The following PIK3C2A variants were observed in gnomAD, a reference collection of about 807,000 sequenced individuals.
PIK3C2A encodes the protein phosphatidylinositol-4-phosphate 3-kinase catalytic subunit type 2 alpha.
Under a neutral mutation model 204.5 loss-of-function variants are expected in PIK3C2A, and 97 were observed. The ratio of observed to expected loss-of-function variants is 0.47; its 90% CI spans 0.40 to 0.56. The LOEUF (loss-of-function observed/expected upper bound fraction) is 0.56. Ranked by LOEUF, PIK3C2A falls within the 20% of genes least tolerant of loss-of-function variation. The pLI, the probability that PIK3C2A is intolerant of heterozygous loss-of-function variation, is 0.00. For missense variants in PIK3C2A, 1,735 were observed against 1,969.2 expected (o/e 0.88, Z 2.25); for synonymous variants, 653 against 664.4 (o/e 0.98, Z 0.26).
At position 17,091,638 on chromosome 11, in the gene PIK3C2A, G is replaced by A. The variant is rs2137260143; in HGVS notation, c.4661C>T (p.Pro1554Leu). The change falls in exon 31 of 33, where the codon CCT (proline) becomes CTT (leucine). Residue 1554 changes from proline (P) to leucine (L), a missense_variant. Pro to Leu is a moderately conservative substitution (Grantham distance 98). Coordinates refer to ENST00000691414, the MANE Select transcript of PIK3C2A (RefSeq NM_002645.4). The part of the protein sequence containing the change: ...ARSADAGSFS[P>L]TPGQIGGAVK... Reference sequence around the variant, plus strand: ...AGCTCCTCCTATTTGGCCTGGAGTAGGACTGAAGGAACCTGCATCTGAAAA... The same window carrying A: ...AGCTCCTCCTATTTGGCCTGGAGTAAGACTGAAGGAACCTGCATCTGAAAA... The A allele has an allele frequency of 6.2e-7, 1 of 1,601,462 alleles. No homozygotes were observed. Among genetic ancestry groups the A allele is most frequent in the Non-Finnish European group, 8.5e-7 (1 of 1,170,344 alleles).
chr11:17,119,341 G>A (rs763971971), intron 16 of PIK3C2A, 28 bp from the exon 17 acceptor site: 9 of 1,313,056 alleles, frequency 6.9e-6, no homozygotes, highest in Non-Finnish European at 9.9e-6. Flanking sequence ...AACCAAGATT[G>A]GACAGTGATT....
In PIK3C2A at chr11:17,168,704, A is replaced by T; in HGVS notation, c.1038T>A (p.Leu346=). The T allele has an allele frequency of 6.3e-7, 1 of 1,593,866 alleles. No individual in the cohort carries two copies. Among genetic ancestry groups the T allele is most frequent in the Non-Finnish European group, 8.5e-7 (1 of 1,170,966 alleles). ...GAGATATATGGCCCTGGGCTTTTGCAAGCTGAGTTGTTCGAATATTTAAAG... is the reference window on the plus strand; with the variant it reads ...GAGATATATGGCCCTGGGCTTTTGCTAGCTGAGTTGTTCGAATATTTAAAG... ...SQSLNIRTTQ[L]AKAQGHISQK... The change falls in exon 2 of 33, where the codon CTT becomes CTA. Residue 346 remains leucine, a synonymous_variant. Transcript: ENST00000691414.
chr11:17,171,340 A>G (rs1851152359), intron 1 of PIK3C2A, among the ~76,000 whole-genome samples: 1 of 152,130 alleles, frequency 6.6e-6, no homozygotes, highest in African/African-American at 2.4e-5. Context: ...AAAGCAAGAG[A>G]GCTCCTGTTT....
chr11:17,151,818 C>T (rs1590967160), intron 3 of PIK3C2A, among the ~76,000 whole-genome samples: 1 of 152,146 alleles, frequency 6.6e-6, no homozygotes, highest in Non-Finnish European at 1.5e-5. Flanking sequence ...GGTTTTTGCA[C>T]TGAAATCCTA....
intron 24 of PIK3C2A, among the ~76,000 whole-genome samples, chr11:17,101,823 T>G (rs1029476471): frequency 6.6e-5 from 10 of 151,864 alleles, no homozygotes; most frequent in Non-Finnish European, 1.3e-4. Flanking sequence ...CAGGATGGTC[T>G]CGATCTCCTG....
intron 22 of PIK3C2A, among the ~76,000 whole-genome samples, chr11:17,106,108 C>CA (rs71047530): frequency 0.41 from 57,344 of 138,376 alleles, 11,631 homozygotes; most frequent in Middle Eastern, 0.49. Context: ...GACTCTATCT[C>CA]AAAAAAAAAA....
intron 20 of PIK3C2A, among the ~76,000 whole-genome samples, chr11:17,113,999 G>C (rs1267536932): frequency 1.3e-5 from 2 of 151,936 alleles, no homozygotes; most frequent in Non-Finnish European, 2.9e-5. Flanking sequence ...AGAATCGCTT[G>C]AACTTGGGAG....
Position 17,135,713 on chromosome 11 carries a change from GTGTGTA to G in PIK3C2A, c.1849-560_1849-555del, listed in dbSNP as rs1422069186. On this transcript the variant is annotated intron_variant, in intron 9 of 32. Transcript: ENST00000691414. Reference sequence around the variant, plus strand: ...TGTGTGTGTGTGTGTGTGTGTGTGTGTGTGTATAAGTTTCTAAAAAGAAGCACATAA... The same window carrying G: ...TGTGTGTGTGTGTGTGTGTGTGTGTGTAAGTTTCTAAAAAGAAGCACATAA... Among the ~76,000 whole-genome samples the G allele has an allele frequency of 1.5e-4, 15 of 100,540 alleles. No individual in the cohort carries two copies. In the East Asian group the frequency reaches 3.6e-3, roughly 24 times the overall value. 66.0% of individuals were successfully genotyped at this position (100,540 alleles called of 152,430 possible). A position where few individuals can be genotyped will look rare whatever the true frequency, so the allele number is the denominator to read the frequency against.
At chr11:17,107,109 C>A (rs111243525) in intron 22 of PIK3C2A, among the ~76,000 whole-genome samples, 2 of 152,048 alleles carry the variant, frequency 1.3e-5, no homozygotes, top group Non-Finnish European at 2.9e-5. Flanking sequence ...GTCAGGAGAT[C>A]GAGACCATCC....
intron 2 of PIK3C2A, among the ~76,000 whole-genome samples, chr11:17,158,411 T>G (rs1033014631): frequency 6.7e-6 from 1 of 150,118 alleles, no homozygotes; most frequent in Admixed American, 6.7e-5. Flanking sequence ...AGGCATTCAT[T>G]TATATACTTA....
rs759971851 is a variant in PIK3C2A, at chr11:17,169,614, T to G, written c.128A>C (p.Gln43Pro). 1 of 1,614,096 alleles carries G rather than the reference T, an allele frequency of 6.2e-7. No homozygotes were observed. The highest frequency in any genetic ancestry group is 2.2e-5 in the East Asian group (1 of 44,874). ...QMEAEALAKLQKDRQVTDNQR... is the reference protein window; with the variant it reads ...QMEAEALAKLPKDRQVTDNQR... ...ATTGTCAGTCACTTGTCTATCCTTT[T>G]GCAGTTTTGCTAAAGCCTCTGCTTC... The change falls in exon 2 of 33, where the codon CAA (glutamine) becomes CCA (proline). Residue 43 changes from glutamine to proline, a missense_variant. Around this residue, in one of 6 missense-constraint regions of PIK3C2A, gnomAD observed 536 missense variants for 546.7 expected, o/e 0.98. Transcript: ENST00000691414.
intron 11 of PIK3C2A, among the ~76,000 whole-genome samples, chr11:17,132,346 G>C (rs908837418): frequency 7.3e-6 from 1 of 137,414 alleles, no homozygotes; most frequent in Non-Finnish European, 1.5e-5. Flanking sequence ...TTTTTGAGAC[G>C]GAGTCTCGCT....
chr11:17,118,042 C>A (rs1179863077), intron 18 of PIK3C2A, among the ~76,000 whole-genome samples: 2 of 149,806 alleles, frequency 1.3e-5, no homozygotes, highest in Admixed American at 6.7e-5. Flanking sequence ...ACTAGGTGAA[C>A]CTCTCTGAAA....
chr11:17,091,819 T>C (rs1848318673), intron 30 of PIK3C2A, among the ~76,000 whole-genome samples, 163 bp from the exon 31 acceptor site: 1 of 152,214 alleles, frequency 6.6e-6, no homozygotes, highest in African/African-American at 2.4e-5. Flanking sequence ...ACTTCTTTAG[T>C]AATCACATCT....
At chr11:17,099,142 G>A (rs541989116) in intron 26 of PIK3C2A, among the ~76,000 whole-genome samples, 10 of 152,112 alleles carry the variant, frequency 6.6e-5, no homozygotes, top group Admixed American at 2.0e-4. Context: ...TAATCCGCCC[G>A]CCTCGGCCTT....
chr11:17,165,259 G>C (rs757587602), intron 2 of PIK3C2A, among the ~76,000 whole-genome samples: 1 of 152,152 alleles, frequency 6.6e-6, no homozygotes, highest in Non-Finnish European at 1.5e-5. Context: ...CCAAATGGAG[G>C]TCCAAGGGGG....
chr11:17,102,874 T>C (rs1212293347), intron 23 of PIK3C2A, 43 bp from the exon 24 acceptor site: 1 of 1,291,758 alleles, frequency 7.7e-7, no homozygotes, highest in East Asian at 2.4e-5. Flanking sequence ...TGAATTATTT[T>C]TAAAAGAGGC....
At chr11:17,157,660 G>C (rs1200929453) in intron 2 of PIK3C2A, among the ~76,000 whole-genome samples, 1 of 151,984 alleles carries the variant, frequency 6.6e-6, no homozygotes, top group Non-Finnish European at 1.5e-5. Flanking sequence ...CTTTCCCTTA[G>C]GTTGTGAGAA....
At position 17,110,529 on chromosome 11, in the gene PIK3C2A, A is replaced by G; in HGVS notation, c.3447T>C (p.Ala1149=). The change falls in exon 22 of 33, where the codon GCT becomes GCC. Residue 1149 remains alanine (A), a synonymous_variant. Coordinates refer to ENST00000691414, the MANE Select transcript of PIK3C2A (RefSeq NM_002645.4). ...VGEDLRQDML[A]LQMIKIMDKI... ...TATCCATAATCTTTATCATCTGTAA[A>G]GCTAACATATCTTGCCGAAGATCTT... The G allele has an allele frequency of 6.2e-7, 1 of 1,611,356 alleles. No homozygotes were observed. Among genetic ancestry groups the G allele is most frequent in the Non-Finnish European group, 8.5e-7 (1 of 1,178,248 alleles).
Sources: allele counts gnomAD v4.1 joint callset (sites outside exome capture counted in the v4.1 genomes callset), GRCh38; gene constraint gnomAD v4.1.1; regional missense constraint gnomAD v4.1.1; transcripts MANE v1.5; gene names NCBI Gene and HGNC (gene_info 2026-07-23, HGNC 2026-07-21).